SLC2A9: variants seen among roughly 807,000 people sequenced by gnomAD.
SLC2A9 encodes the protein solute carrier family 2, facilitated glucose transporter member 9.
In SLC2A9, 39 loss-of-function variants were observed where a neutral mutation model predicts 50.6. The ratio of observed to expected loss-of-function variants is 0.77; its 90% CI spans 0.60 to 1.01. The LOEUF is 1.01. Ranked by LOEUF, SLC2A9 falls within the 50% of genes least tolerant of loss-of-function variation. The pLI is 0.00. For missense variants in SLC2A9, 686 were observed against 677.6 expected (o/e 1.01, Z -0.14); for synonymous variants, 324 against 276.9 (o/e 1.17, Z -1.69).
intron 10 of SLC2A9, among the ~76,000 whole-genome samples, chr4:9,842,532 G>A (rs1560179424): frequency 6.6e-6 from 1 of 152,150 alleles, no homozygotes; most frequent in Non-Finnish European, 1.5e-5. Context: ...AGGGAATAGA[G>A]GGCCTTGCCC....
At chr4:10,011,662 T>C (rs933628880) in intron 2 of SLC2A9, among the ~76,000 whole-genome samples, 1 of 121,650 alleles carries the variant, frequency 8.2e-6, no homozygotes, top group Admixed American at 8.6e-5. Flanking sequence ...AACTTCAGGA[T>C]GTTTTAGACA....
At chr4:9,964,390 A>G (rs1366825887) in intron 5 of SLC2A9, among the ~76,000 whole-genome samples, 1 of 152,204 alleles carries the variant, frequency 6.6e-6, no homozygotes, top group Non-Finnish European at 1.5e-5. Flanking sequence ...GGCAGGAAGA[A>G]TGCAAAGGTG....
At chr4:10,006,972 T>C (rs914451050) in intron 2 of SLC2A9, among the ~76,000 whole-genome samples, 2 of 152,122 alleles carry the variant, frequency 1.3e-5, no homozygotes, top group Admixed American at 6.5e-5. Context: ...AACTCGTTGC[T>C]GTGGGGATGA....
chr4:10,019,651 G>A (rs750968245), intron 1 of SLC2A9, among the ~76,000 whole-genome samples: 1 of 152,214 alleles, frequency 6.6e-6, no homozygotes, highest in African/African-American at 2.4e-5. Flanking sequence ...CCTGAGTGCC[G>A]TTGTCCAAGG....
chr4:9,956,378 G>A (rs373381705), intron 5 of SLC2A9, among the ~76,000 whole-genome samples: 1 of 152,030 alleles, frequency 6.6e-6, no homozygotes, highest in Non-Finnish European at 1.5e-5. Context: ...TACTCGGGAG[G>A]CTGAGGCAGG....
At chr4:9,977,847 C>T (rs1303461566) in intron 5 of SLC2A9, among the ~76,000 whole-genome samples, 7 of 152,188 alleles carry the variant, frequency 4.6e-5, no homozygotes, top group African/African-American at 1.7e-4. Flanking sequence ...CTGATGATCT[C>T]ACCACTCTAC....
chr4:9,809,397 A>T (rs775419311), intron 3 of SLC2A9, among the ~76,000 whole-genome samples: 12 of 152,184 alleles, frequency 7.9e-5, no homozygotes, highest in Non-Finnish European at 1.8e-4. Flanking sequence ...AGGGTTGGGC[A>T]TGGGTAGCCC....
intron 3 of SLC2A9, among the ~76,000 whole-genome samples, chr4:9,781,408 G>T (rs1283550997): frequency 3.3e-5 from 5 of 152,220 alleles, no homozygotes. Flanking sequence ...AGGCTCCAGG[G>T]ATGCGCCAAG....
rs186581711 is a variant in SLC2A9 at position 9,786,929 on chromosome 4, G to A, written n.386-6864C>T. Among the ~76,000 whole-genome samples the A allele has an allele frequency of 3.5e-3, 529 of 152,298 alleles. 4 individuals are homozygous for A. The highest frequency in any genetic ancestry group is 0.02 in the Middle Eastern group (6 of 294). ...CTTCTGGTGCACAGAGAATTATCCA[G>A]CCCCAAATACCCATGTTGCAGCACT... On this transcript the variant is annotated intron_variant and non_coding_transcript_variant, in intron 3 of 3. Coordinates refer to the SLC2A9 transcript ENST00000503803.
downstream of SLC2A9, among the ~76,000 whole-genome samples, chr4:9,823,023 T>C (rs1477703314): frequency 6.6e-6 from 1 of 152,196 alleles, no homozygotes; most frequent in African/African-American, 2.4e-5. Context: ...CCTGATATAA[T>C]TTATTTTTCA....
intron 6 of SLC2A9, among the ~76,000 whole-genome samples, chr4:9,938,337 T>C (rs758519805): frequency 6.7e-6 from 1 of 150,060 alleles, no homozygotes; most frequent in Non-Finnish European, 1.5e-5. Flanking sequence ...AGTGGTGTGA[T>C]CTTGGCTCAC....
intron 10 of SLC2A9, chr4:9,879,353 C>CGT (rs3060767): frequency 0.18 from 164,811 of 932,580 alleles, 8,312 homozygotes; most frequent in African/African-American, 0.3. Flanking sequence ...GACCATGAAG[C>CGT]GTGTGTGTGT....
chr4:9,774,286 T>A (rs1015629887), intron 1 of SLC2A9, among the ~76,000 whole-genome samples: 2 of 152,026 alleles, frequency 1.3e-5, no homozygotes, highest in Non-Finnish European at 2.9e-5. Flanking sequence ...AGCCACCACA[T>A]CTGGCCAAAA....
At chr4:9,980,797 G>A in intron 4 of SLC2A9, 60 bp from the exon 5 acceptor site, 1 of 1,608,600 alleles carries the variant, frequency 6.2e-7, no homozygotes, top group Admixed American at 1.7e-5. Flanking sequence ...GCTGCACTCT[G>A]GTTACAATGC....
chr4:9,844,337 C>T (rs999065222), intron 10 of SLC2A9, among the ~76,000 whole-genome samples: 21 of 151,970 alleles, frequency 1.4e-4, no homozygotes, highest in African/African-American at 2.9e-4. Flanking sequence ...ATAGAAAATA[C>T]GTGCTGATTA....
chr4:9,786,143 A>G (rs991685964), intron 3 of SLC2A9, among the ~76,000 whole-genome samples: 6 of 152,240 alleles, frequency 3.9e-5, no homozygotes, highest in African/African-American at 1.4e-4. Context: ...CTGTAGCAGC[A>G]ATTGCAGCAG....
At chr4:9,846,932 A>C (rs1305552801) in intron 10 of SLC2A9, among the ~76,000 whole-genome samples, 1 of 152,130 alleles carries the variant, frequency 6.6e-6, no homozygotes, top group Non-Finnish European at 1.5e-5. Context: ...CTTTAGATAT[A>C]TTTTCTCTTA....
intron 7 of SLC2A9, among the ~76,000 whole-genome samples, chr4:9,909,112 A>C (rs1229576581): frequency 1.3e-5 from 2 of 152,210 alleles, no homozygotes; most frequent in Non-Finnish European, 2.9e-5. Context: ...TACAAGGTGA[A>C]AGATGTTCCC....
downstream of SLC2A9, among the ~76,000 whole-genome samples, chr4:9,825,291 C>G (rs1260901949): frequency 6.6e-6 from 1 of 152,186 alleles, no homozygotes; most frequent in Non-Finnish European, 1.5e-5. Flanking sequence ...GTTAGAAGAG[C>G]CCCTCAACAT....
Sources: allele counts gnomAD v4.1 joint callset (sites outside exome capture counted in the v4.1 genomes callset), GRCh38; gene constraint gnomAD v4.1.1; transcripts MANE v1.5; gene names NCBI Gene and HGNC (gene_info 2026-07-23, HGNC 2026-07-21).